C3orf20: variants seen among roughly 807,000 people sequenced by gnomAD.
The protein encoded by C3orf20 is family with sequence similarity 149 member C, also known as uncharacterized protein C3orf20.
A neutral mutation model predicts 88.3 loss-of-function variants in C3orf20; 76 were observed. That is an observed-to-expected ratio of 0.86 (90% CI 0.72 to 1.04). C3orf20 has a LOEUF of 1.04. Ranked by LOEUF, C3orf20 falls within the 50% of genes least tolerant of loss-of-function variation. C3orf20 has a pLI of 0.00. For synonymous variants in C3orf20, 436 were observed against 437.4 expected (o/e 1.00, Z 0.04); for missense variants, 1,056 against 1,123.3 (o/e 0.94, Z 0.86).
intron 10 of C3orf20, 55 bp from the exon 11 acceptor site, chr3:14,726,846 C>CA: frequency 6.2e-7 from 1 of 1,610,920 alleles, no homozygotes; most frequent in South Asian, 1.1e-5. Context: ...CTGGACTAGG[C>CA]AGCTGGCTCT....
chr3:14,690,147 A>C (rs374531507), intron 5 of C3orf20, 31 bp downstream of exon 5: 11 of 1,606,282 alleles, frequency 6.8e-6, no homozygotes, highest in Non-Finnish European at 9.4e-6. Context: ...CCTACCATTC[A>C]TTGGTGGTGG....
At chr3:14,680,476 T>C (rs543294182) in intron 1 of C3orf20, among the ~76,000 whole-genome samples, 1 of 152,204 alleles carries the variant, frequency 6.6e-6, no homozygotes, top group East Asian at 1.9e-4. Flanking sequence ...AGACAGAAAC[T>C]AGACGAATGG....
chr3:14,683,457 G>A (rs1032213882), intron 3 of C3orf20, among the ~76,000 whole-genome samples: 1 of 152,194 alleles, frequency 6.6e-6, no homozygotes, highest in Non-Finnish European at 1.5e-5. Flanking sequence ...GTGTTTGTGA[G>A]AATGATGCTG....
intron 12 of C3orf20, among the ~76,000 whole-genome samples, chr3:14,752,813 G>C (rs1200956452): frequency 6.6e-6 from 1 of 152,220 alleles, no homozygotes; most frequent in African/African-American, 2.4e-5. Context: ...AGTTAGAATG[G>C]TGATCATTAA....
At chr3:14,704,152 A>T (rs1404510191) in intron 6 of C3orf20, among the ~76,000 whole-genome samples, 185 bp from the exon 7 acceptor site, 1 of 152,150 alleles carries the variant, frequency 6.6e-6, no homozygotes, top group African/African-American at 2.4e-5. Context: ...TTAGACGGGC[A>T]TTGGGAACTT....
intron 9 of C3orf20, among the ~76,000 whole-genome samples, chr3:14,721,056 A>T (rs1482584502): frequency 6.6e-6 from 1 of 152,212 alleles, no homozygotes; most frequent in East Asian, 1.9e-4. Flanking sequence ...TTTGGAAGTG[A>T]TGATAAAGAG....
chr3:14,689,196 T>C (rs2032590937), intron 4 of C3orf20, among the ~76,000 whole-genome samples: 1 of 152,188 alleles, frequency 6.6e-6, no homozygotes, highest in South Asian at 2.1e-4. Context: ...TTGTTAGTTC[T>C]TTTCATTTCT....
At chr3:14,724,242 G>A (rs915630062) in intron 10 of C3orf20, among the ~76,000 whole-genome samples, 1 of 152,132 alleles carries the variant, frequency 6.6e-6, no homozygotes, top group East Asian at 1.9e-4. Flanking sequence ...CAAAGGCAAC[G>A]GATATTAGAA....
At chr3:14,679,390 G>T (rs148518918) in intron 1 of C3orf20, among the ~76,000 whole-genome samples, 227 of 152,288 alleles carry the variant, frequency 1.5e-3, no homozygotes, top group Non-Finnish European at 1.4e-3. Flanking sequence ...CACTTTCATT[G>T]GCCAGAATAG....
chr3:14,713,990 C>G lies in C3orf20; in HGVS notation c.1161-17C>G. The stretch of plus-strand genomic sequence containing the variant: ...CAGGGGAGTTTTCTGTTAGTTCTAC[C>G]TGAACATTTCTGCCAGCTATCCCTC... On this transcript the variant is annotated splice_polypyrimidine_tract_variant and intron_variant, in intron 7 of 16. Transcript: ENST00000253697. The G allele has an allele frequency of 6.2e-7, 1 of 1,613,370 alleles. No individual in the cohort carries two copies. Among genetic ancestry groups the G allele is most frequent in the South Asian group, 1.1e-5 (1 of 91,042 alleles).
intron 9 of C3orf20, among the ~76,000 whole-genome samples, chr3:14,718,956 C>T (rs1176184330): frequency 1.3e-5 from 2 of 152,220 alleles, no homozygotes; most frequent in African/African-American, 2.4e-5. Flanking sequence ...CTCCAGGTTC[C>T]ATCCTCTGGG....
intron 12 of C3orf20, among the ~76,000 whole-genome samples, chr3:14,731,873 C>A (rs1183980352): frequency 1.3e-5 from 2 of 152,172 alleles, no homozygotes; most frequent in South Asian, 2.1e-4. Context: ...CATGGATGGG[C>A]AAAATTTGTT....
At chr3:14,707,551 G>A (rs992741893) in intron 7 of C3orf20, among the ~76,000 whole-genome samples, 5 of 150,758 alleles carry the variant, frequency 3.3e-5, no homozygotes, top group African/African-American at 1.2e-4. Context: ...TTTAGATTGA[G>A]TTGTCTTTCT....
intron 10 of C3orf20, chr3:14,722,642 T>G: frequency 2.2e-6 from 1 of 452,458 alleles, no homozygotes; most frequent in Non-Finnish European, 4.5e-6. Flanking sequence ...TCGTTTCAAG[T>G]CTATCGTCTC....
At chr3:14,763,556 G>A (rs574670767) in intron 15 of C3orf20, among the ~76,000 whole-genome samples, 3 of 152,192 alleles carry the variant, frequency 2.0e-5, no homozygotes, top group South Asian at 2.1e-4. Context: ...GGACATAGAC[G>A]TTCAGACATC....
rs2035886350 is a variant in C3orf20 at position 14,772,412 on chromosome 3, C to G, written c.2630+211C>G. ...GTGGTCTGGGTGGTAGAGATGGAGG[C>G]CTTTTGTAGACTTTGCAGCAGAACC... On this transcript the variant is annotated intron_variant, in intron 16 of 16. Coordinates refer to ENST00000253697, the MANE Select transcript of C3orf20 (RefSeq NM_032137.5). The surrounding 1 kb of genome is among the most constrained non-coding windows in gnomAD (Gnocchi z 4.2). 6.6e-6 allele frequency among the ~76,000 whole-genome samples: 1 copy of G among 152,162 alleles called. No homozygotes were observed. Among genetic ancestry groups the G allele is most frequent in the African/African-American group, 2.4e-5 (1 of 41,442 alleles).
At chr3:14,743,386 G>A (rs1179936074) in intron 12 of C3orf20, among the ~76,000 whole-genome samples, 3 of 151,968 alleles carry the variant, frequency 2.0e-5, no homozygotes, top group Admixed American at 6.5e-5. Context: ...AAGTTCCCAG[G>A]GTCTTGGGCA....
At position 14,730,316 on chromosome 3, in the gene C3orf20, G is replaced by C. The variant is rs1032541957; in HGVS notation, c.1940+1628G>C. Among the ~76,000 whole-genome samples, 31 of 152,298 alleles carry C rather than the reference G, an allele frequency of 2.0e-4. No homozygotes were observed. In the Middle Eastern group the frequency reaches 0.024, roughly 117 times the overall value. ...TAATCCCAGCACTTTGGGAGGCCGAGGCGGGCAGATCACGAGGTTGGGAGA... is the reference window on the plus strand; with the variant it reads ...TAATCCCAGCACTTTGGGAGGCCGACGCGGGCAGATCACGAGGTTGGGAGA... On this transcript the variant is annotated intron_variant, in intron 12 of 16. Coordinates refer to ENST00000253697, the MANE Select transcript of C3orf20 (RefSeq NM_032137.5).
intron 12 of C3orf20, among the ~76,000 whole-genome samples, chr3:14,749,694 TTGA>T (rs1281875110): frequency 1.1e-5 from 1 of 88,694 alleles, no homozygotes; most frequent in African/African-American, 5.9e-5. Flanking sequence ...TTACGTTTAA[TTGA>T]TTTTTTTTTT....
Sources: gnomAD v4.1 joint callset for allele counts (sites outside exome capture counted in the v4.1 genomes callset) on GRCh38, gnomAD v4.1.1 for gene constraint, Gnocchi (gnomAD v3.1) non-coding constraint, MANE v1.5 for transcripts, NCBI Gene and HGNC (gene_info 2026-07-23, HGNC 2026-07-21) for gene names.